IQCM: variants seen among roughly 807,000 people sequenced by gnomAD.
IQCM encodes the protein IQ domain-containing protein M.
IQCM carries 45 observed loss-of-function variants against 57.6 expected under a neutral mutation model. The ratio of observed to expected loss-of-function variants is 0.78; its 90% CI spans 0.62 to 1.00. The LOEUF (loss-of-function observed/expected upper bound fraction) is 1.00, where lower values mean the gene tolerates loss of function less well. IQCM is among the 50% of genes least tolerant of loss of function. IQCM has a pLI of 0.00. For synonymous variants in IQCM, 148 were observed against 158.9 expected (o/e 0.93, Z 0.51); for missense variants, 468 against 511.6 (o/e 0.91, Z 0.82).
intron 2 of IQCM, among the ~76,000 whole-genome samples, chr4:149,746,970 A>G (rs1767989540): frequency 6.6e-6 from 1 of 152,174 alleles, no homozygotes; most frequent in African/African-American, 2.4e-5. Context: ...TCTCAAGCCT[A>G]GGCCACTAGG....
chr4:149,472,854 A>C (rs1041793360), intron 12 of IQCM, among the ~76,000 whole-genome samples: 1 of 151,494 alleles, frequency 6.6e-6, no homozygotes, highest in Non-Finnish European at 1.5e-5. Flanking sequence ...CAAACCTGAC[A>C]AAAAAAAAGA....
intron 7 of IQCM, among the ~76,000 whole-genome samples, chr4:149,639,614 T>C (rs530020379): frequency 6.6e-6 from 1 of 152,146 alleles, no homozygotes; most frequent in South Asian, 2.1e-4. Context: ...TTAAAGATAC[T>C]TTCTTAATTT....
intron 13 of IQCM, among the ~76,000 whole-genome samples, chr4:149,419,415 G>T (rs1733971642): frequency 6.6e-6 from 1 of 152,098 alleles, no homozygotes; most frequent in South Asian, 2.1e-4. Flanking sequence ...TTACTAAGTA[G>T]TTCTGGGAGA....
chr4:149,449,993 A>G (rs1736930896), intron 12 of IQCM, among the ~76,000 whole-genome samples: 1 of 151,960 alleles, frequency 6.6e-6, no homozygotes, highest in Non-Finnish European at 1.5e-5. Context: ...ATAGCATGAT[A>G]CTGGCATAAA....
chr4:149,445,270 G>C (rs1736384132), intron 12 of IQCM, among the ~76,000 whole-genome samples: 2 of 151,786 alleles, frequency 1.3e-5, no homozygotes, highest in Admixed American at 1.3e-4. Context: ...GGACTGTCAA[G>C]GTAGGATAAA....
chr4:149,671,114 C>T (rs1248705482), intron 7 of IQCM, among the ~76,000 whole-genome samples: 1 of 151,994 alleles, frequency 6.6e-6, no homozygotes, highest in African/African-American at 2.4e-5. Context: ...TCCATCTGGT[C>T]CTGGACTCTT....
intron 7 of IQCM, among the ~76,000 whole-genome samples, chr4:149,648,128 T>C (rs1758812035): frequency 6.6e-6 from 1 of 152,192 alleles, no homozygotes; most frequent in African/African-American, 2.4e-5. Context: ...TCTTCTCATT[T>C]ATTTATTTAA....
chr4:149,740,750 T>G (rs1355091443), intron 3 of IQCM, among the ~76,000 whole-genome samples: 3 of 152,146 alleles, frequency 2.0e-5, no homozygotes, highest in Non-Finnish European at 2.9e-5. Context: ...GCAGAATTTC[T>G]TTGCTGAAAA....
chr4:149,469,586 A>T (rs984138138), intron 12 of IQCM, among the ~76,000 whole-genome samples: 1 of 152,228 alleles, frequency 6.6e-6, no homozygotes. Flanking sequence ...CAACCTAGTG[A>T]GGCAGGCCAA....
chr4:149,383,004 A>G (rs1250487633), intron 13 of IQCM, among the ~76,000 whole-genome samples: 3 of 151,940 alleles, frequency 2.0e-5, no homozygotes, highest in Admixed American at 2.0e-4. Flanking sequence ...AAAAAAAAAA[A>G]AAAAGAAAAA....
chr4:149,778,677 G>T (rs1771331073), intron 2 of IQCM, among the ~76,000 whole-genome samples: 1 of 151,960 alleles, frequency 6.6e-6, no homozygotes, highest in South Asian at 2.1e-4. Flanking sequence ...TATCACTACA[G>T]ATTTGCAGAC....
At chr4:149,640,719 T>C (rs146623921) in intron 7 of IQCM, among the ~76,000 whole-genome samples, 1 of 152,352 alleles carries the variant, frequency 6.6e-6, no homozygotes, top group East Asian at 1.9e-4. Context: ...TTGTGTGATT[T>C]TTTTTCTCTT....
intron 5 of IQCM, among the ~76,000 whole-genome samples, chr4:149,722,451 T>G (rs983525055): frequency 1.3e-5 from 2 of 151,894 alleles, no homozygotes; most frequent in African/African-American, 2.4e-5. Flanking sequence ...CTTTAATCTA[T>G]CTTAATTTTT....
At chr4:149,781,990 T>C (rs969640053) in intron 2 of IQCM, among the ~76,000 whole-genome samples, 5 of 138,180 alleles carry the variant, frequency 3.6e-5, no homozygotes, top group Non-Finnish European at 4.8e-5. Context: ...AAGACAATAT[T>C]TTTTTTTTAA....
At chr4:149,695,837 G>A (rs919519238) in intron 5 of IQCM, among the ~76,000 whole-genome samples, 1 of 152,118 alleles carries the variant, frequency 6.6e-6, no homozygotes, top group Non-Finnish European at 1.5e-5. Context: ...AGTTCGCCAT[G>A]AAGACCTTTA....
chr4:149,576,449 A>G lies in IQCM; in HGVS notation c.749+11481T>C, dbSNP rs564345147. ...GTTTTTGGTTACATGGATGAATTGT[A>G]TAGTGGTGAGGTTTGAGATTTTAGT... On this transcript the variant is annotated intron_variant, in intron 9 of 13. Transcript: ENST00000636793. 2.8e-4 allele frequency among the ~76,000 whole-genome samples: 43 copies of G among 151,918 alleles called. 1 individual carries two copies. In the South Asian group the frequency reaches 4.1e-3, roughly 15 times the overall value.
chr4:149,390,463 T>C (rs748791370), intron 13 of IQCM, among the ~76,000 whole-genome samples: 6 of 151,904 alleles, frequency 3.9e-5, no homozygotes, highest in African/African-American at 7.2e-5. Context: ...AAGTGCAATG[T>C]TGAATGGTAG....
At chr4:149,495,162 C>T (rs1296329569) in intron 12 of IQCM, among the ~76,000 whole-genome samples, 1 of 152,102 alleles carries the variant, frequency 6.6e-6, no homozygotes, top group Non-Finnish European at 1.5e-5. Flanking sequence ...GCTTAGACAA[C>T]ATTCAATCCA....
intron 5 of IQCM, among the ~76,000 whole-genome samples, chr4:149,725,633 C>T (rs1765823850): frequency 6.6e-6 from 1 of 151,976 alleles, no homozygotes; most frequent in African/African-American, 2.4e-5. Flanking sequence ...TTACATTGTC[C>T]ACCCCCAACA....
Sources: gnomAD v4.1 joint callset for allele counts (sites outside exome capture counted in the v4.1 genomes callset) on GRCh38, gnomAD v4.1.1 for gene constraint, MANE v1.5 for transcripts, NCBI Gene and HGNC (gene_info 2026-07-23, HGNC 2026-07-21) for gene names.